The following NUTF2 variants were observed in gnomAD, a reference collection of about 807,000 sequenced individuals.
NUTF2 encodes the protein placental protein 15.
A neutral mutation model predicts 18.5 loss-of-function variants in NUTF2; 3 were observed. The ratio of observed to expected loss-of-function variants is 0.16; its 90% CI spans 0.07 to 0.42. NUTF2 has a LOEUF of 0.42. Among genes scored for constraint, NUTF2 ranks in the 10% least tolerant of loss-of-function variants. The pLI, the probability that NUTF2 is intolerant of heterozygous loss-of-function variation, is 0.99. For missense variants in NUTF2, 44 were observed against 160.7 expected, an observed-to-expected ratio of 0.27 and a Z score of 3.93; for synonymous variants, 51 against 57.9, an observed-to-expected ratio of 0.88 and a Z score of 0.54.
rs200115806 is a variant in NUTF2 at position 67,859,976 on chromosome 16, AT to A, written c.-29-5115del. On this transcript the variant is annotated intron_variant, in intron 1 of 4. Coordinates refer to ENST00000219169, the MANE Select transcript of NUTF2 (RefSeq NM_005796.3). The stretch of plus-strand genomic sequence containing the variant: ...CACCACCATGGCCAGATATTTTATT[AT>A]TTTTTTTTTTCTTTTTTTTTGAGAT... Among the ~76,000 whole-genome samples, 156 of 140,704 alleles carry A rather than the reference AT, an allele frequency of 1.1e-3. No individual in the cohort carries two copies. The Middle Eastern group carries it at 0.023, about 20-fold the overall frequency. The allele number at this position is 140,704 out of a possible 152,430, so 92.3% of individuals were successfully genotyped here. A position where few individuals can be genotyped will look rare whatever the true frequency, so the allele number is the denominator to read the frequency against.
intron 1 of NUTF2, among the ~76,000 whole-genome samples, chr16:67,857,212 C>G (rs1340891465): frequency 6.6e-6 from 1 of 152,134 alleles, no homozygotes; most frequent in Non-Finnish European, 1.5e-5. Context: ...AGGAATGGGG[C>G]CCCAGAGGTC....
At chr16:67,865,787 C>T (rs2057967110) in intron 2 of NUTF2, among the ~76,000 whole-genome samples, 1 of 149,332 alleles carries the variant, frequency 6.7e-6, no homozygotes, top group Non-Finnish European at 1.5e-5. Context: ...GGCTCGATCT[C>T]AGCTCACTGC....
chr16:67,865,919 C>T (rs1263264164), intron 2 of NUTF2, among the ~76,000 whole-genome samples: 2 of 152,076 alleles, frequency 1.3e-5, no homozygotes, highest in African/African-American at 4.8e-5. Flanking sequence ...GGGGTTTCAC[C>T]ATGTTGGCCA....
At chr16:67,850,050 C>G (rs1302166434) in intron 1 of NUTF2, among the ~76,000 whole-genome samples, 1 of 152,096 alleles carries the variant, frequency 6.6e-6, no homozygotes, top group Admixed American at 6.6e-5. Context: ...CCTCAGCCTC[C>G]CAAAGTGCTG....
At chr16:67,852,775 G>C (rs2057869648) in intron 1 of NUTF2, among the ~76,000 whole-genome samples, 1 of 152,064 alleles carries the variant, frequency 6.6e-6, no homozygotes, top group Non-Finnish European at 1.5e-5. Flanking sequence ...TGCCTCCTGG[G>C]TTCTAGCGAT....
intron 1 of NUTF2, among the ~76,000 whole-genome samples, chr16:67,855,110 AT>A (rs1485836309): frequency 6.6e-6 from 1 of 151,548 alleles, no homozygotes; most frequent in Non-Finnish European, 1.5e-5. Context: ...TGGCTTTGTG[AT>A]TCTGTGATTC....
rs369354385 is a variant in NUTF2 at position 67,870,814 on chromosome 16, C to T, written c.285C>T (p.Pro95=). ...TCTCCTCATAGGCGGATGAAGACCCCATCATGGGGTTCCACCAGATGTTCC... is the reference window on the plus strand; with the variant it reads ...TCTCCTCATAGGCGGATGAAGACCCTATCATGGGGTTCCACCAGATGTTCC... The part of the protein sequence containing the change: ...VVGQLKADED[P]IMGFHQMFLL... Residue 95 remains proline, a synonymous_variant, in exon 5 of 5, where the codon CCC becomes CCT. Coordinates refer to ENST00000219169, the MANE Select transcript of NUTF2 (RefSeq NM_005796.3). 5.0e-6 allele frequency: 8 copies of T among 1,613,180 alleles called. No individual in the cohort carries two copies. Among genetic ancestry groups the T allele is most frequent in the South Asian group, 1.1e-5 (1 of 91,054 alleles).
chr16:67,851,697 C>T (rs1190598580), intron 1 of NUTF2, among the ~76,000 whole-genome samples: 1 of 151,788 alleles, frequency 6.6e-6, no homozygotes, highest in Admixed American at 6.6e-5. Context: ...GTGATGTTTC[C>T]ACCCTGGAGA....
At chr16:67,867,779 CTGGG>C (rs940101402) in intron 2 of NUTF2, among the ~76,000 whole-genome samples, 1 of 152,178 alleles carries the variant, frequency 6.6e-6, no homozygotes, top group African/African-American at 2.4e-5. Context: ...CCGCCGCCTC[CTGGG>C]TTCAAGCAAT....
intron 1 of NUTF2, among the ~76,000 whole-genome samples, chr16:67,857,508 G>A (rs1400273741): frequency 1.3e-5 from 2 of 152,116 alleles, no homozygotes; most frequent in East Asian, 3.9e-4. Context: ...CTGATTCTAG[G>A]CCATCTCCAT....
At chr16:67,848,921 T>C in intron 1 of NUTF2, among the ~76,000 whole-genome samples, 1 of 152,204 alleles carries the variant, frequency 6.6e-6, no homozygotes, top group East Asian at 1.9e-4. Context: ...GGTAATGTTT[T>C]TCTGTTCATT....
At chr16:67,847,130 A>T (rs1261297801) in intron 1 of NUTF2, 145 bp downstream of exon 1, 1 of 129,688 alleles carries the variant, frequency 7.7e-6, no homozygotes, top group Non-Finnish European at 1.6e-5. Flanking sequence ...GGCCCGGGCC[A>T]TGTGTCGCGC....
chr16:67,847,112 C>G (rs894006825), intron 1 of NUTF2, 127 bp downstream of exon 1: 3 of 150,978 alleles, frequency 2.0e-5, no homozygotes, highest in Non-Finnish European at 4.4e-5. Flanking sequence ...CGGCCCGAAG[C>G]CGCGCGGGGC....
Position 67,862,300 on chromosome 16 carries a change from C to G in NUTF2, c.-29-2802C>G, listed in dbSNP as rs538213918. The stretch of plus-strand genomic sequence containing the variant: ...ATCACTGGATGACAGTGGATTCTGA[C>G]TATGTGGCTGTTGTGATCACTACTT... On this transcript the variant is annotated intron_variant, in intron 1 of 4. Coordinates refer to ENST00000219169, the MANE Select transcript of NUTF2 (RefSeq NM_005796.3). Among the ~76,000 whole-genome samples the G allele has an allele frequency of 3.5e-4, 54 of 152,290 alleles. No homozygotes were observed. In the South Asian group the frequency reaches 5.8e-3, roughly 16 times the overall value.
At chr16:67,848,528 A>G (rs934731892) in intron 1 of NUTF2, among the ~76,000 whole-genome samples, 1 of 151,938 alleles carries the variant, frequency 6.6e-6, no homozygotes, top group Non-Finnish European at 1.5e-5. Flanking sequence ...GGTCGCAGTG[A>G]ACTGAGATCA....
intron 4 of NUTF2, 65 bp from the exon 5 acceptor site, chr16:67,870,732 TCTC>T (rs2151302031): frequency 7.5e-6 from 10 of 1,332,542 alleles, no homozygotes; most frequent in Middle Eastern, 2.4e-4. Context: ...TTTGCCCTCT[TCTC>T]CTACCACTGA....
At position 67,868,617 on chromosome 16, in the gene NUTF2, G is replaced by T; in HGVS notation, c.270+18G>T. The T allele has an allele frequency of 1.2e-6, 2 of 1,608,352 alleles. No individual in the cohort carries two copies. Among genetic ancestry groups the T allele is most frequent in the Non-Finnish European group, 8.5e-7 (1 of 1,175,566 alleles). ...AGCTTAAGGTAATGGTACTGCCACA[G>T]TGGTAGGGAGGGGTGGGCAGGCAGA... On this transcript the variant is annotated intron_variant, in intron 4 of 4. Coordinates refer to ENST00000219169, the MANE Select transcript of NUTF2 (RefSeq NM_005796.3).
At chr16:67,857,234 T>G (rs1410663626) in intron 1 of NUTF2, among the ~76,000 whole-genome samples, 2 of 152,044 alleles carry the variant, frequency 1.3e-5, no homozygotes, top group Non-Finnish European at 2.9e-5. Context: ...TCTCAGTCAC[T>G]GGGGAAAGGG....
At chr16:67,856,004 A>G (rs1472279081) in intron 1 of NUTF2, 1 of 1,182,922 alleles carries the variant, frequency 8.5e-7, no homozygotes, top group Non-Finnish European at 1.2e-6. Context: ...GGTGACCTTG[A>G]GCACGTTGAA....
Sources: gnomAD v4.1 joint callset for allele counts (sites outside exome capture counted in the v4.1 genomes callset) on GRCh38, gnomAD v4.1.1 for gene constraint, MANE v1.5 for transcripts, NCBI Gene and HGNC (gene_info 2026-07-23, HGNC 2026-07-21) for gene names.